AFAP1L1: variants seen among roughly 807,000 people sequenced by gnomAD.
AFAP1L1 encodes actin filament-associated protein 1-like 1.
AFAP1L1 carries 77 observed loss-of-function variants against 99.8 expected under a neutral mutation model. That is an observed-to-expected ratio of 0.77 (90% CI 0.64 to 0.93). The LOEUF (loss-of-function observed/expected upper bound fraction) is 0.93. Among genes scored for constraint, AFAP1L1 ranks in the 40% least tolerant of loss-of-function variants. AFAP1L1 has a pLI of 0.00. For synonymous variants in AFAP1L1, 373 were observed against 395.3 expected (o/e 0.94, Z 0.67); for missense variants, 893 against 996.8 (o/e 0.90, Z 1.40).
At chr5:149,287,147 T>A (rs352352) in intron 1 of AFAP1L1, among the ~76,000 whole-genome samples, 122,932 of 152,160 alleles carry the variant, frequency 0.81, 50,689 homozygotes, top group Non-Finnish European at 0.89. Context: ...ATGAACACGA[T>A]GACAAGCAGC....
chr5:149,339,825 A>T (rs1446972432), intron 18 of AFAP1L1, among the ~76,000 whole-genome samples, 182 bp from the exon 19 acceptor site: 1 of 152,202 alleles, frequency 6.6e-6, no homozygotes, highest in Non-Finnish European at 1.5e-5. Context: ...GGATGAAGGG[A>T]CAAGAGATAC....
chr5:149,318,031 AC>A, intron 12 of AFAP1L1, 91 bp downstream of exon 12: 1 of 1,417,726 alleles, frequency 7.1e-7, no homozygotes, highest in South Asian at 1.4e-5. Context: ...CTTGCTACTG[AC>A]ACCATGGGGA....
intron 3 of AFAP1L1, 113 bp from the exon 4 acceptor site, chr5:149,301,020 G>A (rs1756187766): frequency 2.6e-6 from 2 of 778,250 alleles, no homozygotes; most frequent in South Asian, 1.7e-5. Flanking sequence ...TAACGGAGGG[G>A]TGGTGGAGCC....
At position 149,335,652 on chromosome 5, in the gene AFAP1L1, T is replaced by C; in HGVS notation, c.2213T>C (p.Val738Ala). 2 of 1,613,536 alleles carry C rather than the reference T, an allele frequency of 1.2e-6. No homozygotes were observed. Among genetic ancestry groups the C allele is most frequent in the Non-Finnish European group, 1.7e-6 (2 of 1,180,030 alleles). The change falls in exon 18 of 19, where the codon GTT (valine) becomes GCT (alanine). Residue 738 changes from valine to alanine, a missense_variant. Val to Ala is a moderately conservative substitution (Grantham distance 64). Coordinates refer to ENST00000296721, the MANE Select transcript of AFAP1L1 (RefSeq NM_152406.4). ...GAGCAACCTCTCCCTGTCAACTGTG[T>C]TTCTGAGCTGAGGAAGAGGAGCCCA... The part of the protein sequence containing the change: ...VPEQPLPVNC[V>A]SELRKRSPSI...
intron 7 of AFAP1L1, 147 bp downstream of exon 7, chr5:149,307,760 A>G: frequency 1.4e-6 from 1 of 738,764 alleles, no homozygotes. Context: ...TCCCAAGATC[A>G]GGACTTTCCC....
rs781107049 is a variant in AFAP1L1, at chr5:149,339,993, T to C, written c.2284-14T>C. The C allele has an allele frequency of 6.8e-6, 11 of 1,613,900 alleles. No homozygotes were observed. The highest frequency in any genetic ancestry group is 5.0e-5 in the Admixed American group (3 of 59,992). On this transcript the variant is annotated splice_polypyrimidine_tract_variant and intron_variant, in intron 18 of 18. Coordinates refer to ENST00000296721, the MANE Select transcript of AFAP1L1 (RefSeq NM_152406.4). Reference sequence around the variant, plus strand: ...ATTCAGCAAATTGATTTGTCTTCTCTTTCTGTGCTTCAGGAATGGGAAATG... The same window carrying C: ...ATTCAGCAAATTGATTTGTCTTCTCCTTCTGTGCTTCAGGAATGGGAAATG...
chr5:149,271,862 G>A lies in AFAP1L1; in HGVS notation c.-107G>A. The A allele has an allele frequency of 1.1e-6, 1 of 885,284 alleles. No homozygotes were observed. Among genetic ancestry groups the A allele is most frequent in the Non-Finnish European group, 1.4e-6 (1 of 691,688 alleles). 54.8% of individuals were successfully genotyped at this position (885,284 alleles called of 1,614,324 possible). A position where few individuals can be genotyped will look rare whatever the true frequency, so the allele number is the denominator to read the frequency against. On this transcript the variant is annotated 5_prime_UTR_variant, in exon 1 of 19. Coordinates refer to ENST00000296721, the MANE Select transcript of AFAP1L1 (RefSeq NM_152406.4). ...CCTGTCTGGGGGAGGGGACCGCAGAGAGCGCCGGCCGCTGGGCTGGCCTGA... is the reference window on the plus strand; with the variant it reads ...CCTGTCTGGGGGAGGGGACCGCAGAAAGCGCCGGCCGCTGGGCTGGCCTGA...
rs1351545638 is a variant in AFAP1L1, at chr5:149,341,203, A to T, written c.*1173A>T. On this transcript the variant is annotated 3_prime_UTR_variant, in exon 19 of 19. Coordinates refer to ENST00000296721, the MANE Select transcript of AFAP1L1 (RefSeq NM_152406.4). ...AGGAAAGAAGGAAAATCCCAGAATA[A>T]CCGTGGCCACTTTGCTATAGGGGTT... 2 of 152,072 alleles carry T rather than the reference A, an allele frequency of 1.3e-5. No homozygotes were observed. 9.4% of individuals were successfully genotyped at this position (152,072 alleles called of 1,614,324 possible).
intron 1 of AFAP1L1, among the ~76,000 whole-genome samples, chr5:149,273,703 CCT>C (rs1755212510): frequency 6.6e-6 from 1 of 152,048 alleles, no homozygotes; most frequent in Non-Finnish European, 1.5e-5. Context: ...CTCTCACACC[CCT>C]CAGTCCTGCT....
In AFAP1L1 at chr5:149,320,388, T is replaced by C. The variant is rs17642594; in HGVS notation, c.1626-3T>C. On this transcript the variant is annotated splice_polypyrimidine_tract_variant and splice_region_variant and intron_variant, in intron 13 of 18. Transcript: ENST00000296721. The surrounding 1 kb of genome is among the most constrained non-coding windows in gnomAD (Gnocchi z 4.0). ...CATTGTCATCGTACATTTTATTTTC[T>C]AGATATGCAAGATCCTGCCAGAATC... The C allele has an allele frequency of 0.074, 119,706 of 1,613,536 alleles. 4,969 individuals carry two copies. The highest frequency in any genetic ancestry group is 0.12 in the Middle Eastern group (700 of 6,058).
intron 7 of AFAP1L1, 132 bp downstream of exon 7, chr5:149,307,745 C>A: frequency 1.1e-6 from 1 of 893,050 alleles, no homozygotes; most frequent in Non-Finnish European, 1.7e-6. Flanking sequence ...TCAAAGGCCC[C>A]ATGCTCCCAA....
chr5:149,323,186 G>A lies in AFAP1L1; in HGVS notation c.1810+469G>A, dbSNP rs150339899. On this transcript the variant is annotated intron_variant, in intron 15 of 18. Coordinates refer to ENST00000296721, the MANE Select transcript of AFAP1L1 (RefSeq NM_152406.4). ...GAGAGAGAGAGATTGATGACAAGCT[G>A]TATCTGTTTCAGAGGCTAACAATTT... is the stretch of plus-strand genomic sequence containing the variant. Among the ~76,000 whole-genome samples the A allele has an allele frequency of 3.0e-3, 463 of 152,302 alleles. 10 individuals carry two copies. The highest frequency in any genetic ancestry group is 8.7e-4 in the Non-Finnish European group (59 of 68,022).
At position 149,320,749 on chromosome 5, in the gene AFAP1L1, G is replaced by T. The variant is rs1756927845; in HGVS notation, c.1698+286G>T. ...GCATCGTCTCCGGTTTGAGCAAGTT[G>T]CTGGGGCCCTCCTCCTGTTTACCAC... On this transcript the variant is annotated intron_variant, in intron 14 of 18. Transcript: ENST00000296721. The surrounding 1 kb of genome is among the most constrained non-coding windows in gnomAD (Gnocchi z 4.0). Among the ~76,000 whole-genome samples the T allele has an allele frequency of 6.6e-6, 1 of 152,190 alleles. No individual in the cohort carries two copies. The highest frequency in any genetic ancestry group is 1.5e-5 in the Non-Finnish European group (1 of 68,034).
intron 9 of AFAP1L1, among the ~76,000 whole-genome samples, chr5:149,315,256 C>T (rs959745384): frequency 1.3e-5 from 2 of 152,064 alleles, no homozygotes; most frequent in Non-Finnish European, 2.9e-5. Flanking sequence ...TCCTCTCCTC[C>T]GAGTTAGGAT....
chr5:149,302,495 C>A lies in AFAP1L1; in HGVS notation c.405C>A (p.Pro135=). The change falls in exon 5 of 19, where the codon CCC becomes CCA. Residue 135 remains proline, a synonymous_variant. Transcript: ENST00000296721. ...DYYEEALPLG[P]GKSPEYISSH... is the part of the protein sequence containing the mutation. ...ATGAAGAGGCCCTTCCTCTGGGACC[C>A]GGCAAGTCGCCTGAGTACATCAGCT... 6.3e-7 allele frequency: 1 copy of A among 1,590,286 alleles called. No homozygotes were observed. Among genetic ancestry groups the A allele is most frequent in the South Asian group, 1.2e-5 (1 of 86,926 alleles).
chr5:149,312,360 A>G (rs1296078068), intron 9 of AFAP1L1, 156 bp downstream of exon 9: 8 of 731,206 alleles, frequency 1.1e-5, no homozygotes, highest in Admixed American at 8.0e-5. Flanking sequence ...TGCTTAATAA[A>G]TGTCTCCTGA....
chr5:149,282,596 G>A (rs1016298881), intron 1 of AFAP1L1, among the ~76,000 whole-genome samples: 5 of 152,294 alleles, frequency 3.3e-5, no homozygotes, highest in African/African-American at 2.4e-5. Context: ...AGTTTTCTTG[G>A]AACACAGCCA....
In AFAP1L1 at chr5:149,320,364, A is replaced by C. The variant is rs1004160417; in HGVS notation, c.1626-27A>C. 5 of 1,609,818 alleles carry C rather than the reference A, an allele frequency of 3.1e-6. No homozygotes were observed. The African/African-American group carries it at 6.7e-5, about 22-fold the overall frequency. On this transcript the variant is annotated intron_variant, in intron 13 of 18. Coordinates refer to ENST00000296721, the MANE Select transcript of AFAP1L1 (RefSeq NM_152406.4). The surrounding 1 kb of genome is among the most constrained non-coding windows in gnomAD (Gnocchi z 4.0). ...GCTGCAAAGCATCATTGTCATTGTCATTGTCATCGTACATTTTATTTTCTA... is the reference window on the plus strand; with the variant it reads ...GCTGCAAAGCATCATTGTCATTGTCCTTGTCATCGTACATTTTATTTTCTA...
rs754645271 is a variant in AFAP1L1 at position 149,312,157 on chromosome 5, G to A, written c.973G>A (p.Glu325Lys). The A allele has an allele frequency of 1.2e-5, 19 of 1,614,034 alleles. No individual in the cohort carries two copies. The highest frequency in any genetic ancestry group is 1.1e-5 in the Non-Finnish European group (13 of 1,180,044). The change falls in exon 9 of 19, where the codon GAG (glutamate) becomes AAG (lysine). Residue 325 changes from glutamate (E) to lysine (K), a missense_variant. Physicochemically the swap from Glu to Lys is moderately conservative, Grantham distance 56. Coordinates refer to ENST00000296721, the MANE Select transcript of AFAP1L1 (RefSeq NM_152406.4). ...GCCAGTTGGGGGAGCTGAGGGAGTG[G>A]AGGTCCCCAGATCCCCAGTCCTCCT... ...SKPVGGAEGV[E>K]VPRSPVLLCK...
Sources: gnomAD v4.1 joint callset for allele counts (sites outside exome capture counted in the v4.1 genomes callset) on GRCh38, gnomAD v4.1.1 for gene constraint, Gnocchi (gnomAD v3.1) non-coding constraint, MANE v1.5 for transcripts, NCBI Gene and HGNC (gene_info 2026-07-23, HGNC 2026-07-21) for gene names.